The following OR4F6 variants were observed in gnomAD, a reference collection of about 807,000 sequenced individuals.
The protein encoded by OR4F6 is olfactory receptor family 4 subfamily F member 6.
OR4F6 carries 13 observed loss-of-function variants against 15.9 expected under a neutral mutation model. That is an observed-to-expected ratio of 0.82 (90% CI 0.53 to 1.30). The LOEUF is 1.30. OR4F6 is among the 50% of genes most tolerant of loss of function. The probability of loss-of-function intolerance (pLI) is 0.00; values close to 1 mark genes in which losing one functional copy is unlikely to be tolerated. For missense variants in OR4F6, 426 were observed against 367.2 expected (o/e 1.16, Z -1.31); for synonymous variants, 150 against 133.8 (o/e 1.12, Z -0.83).
At position 101,806,739 on chromosome 15, in the gene OR4F6, C is replaced by G; in HGVS notation, c.*81C>G. 4 of 807,920 alleles carry G rather than the reference C, an allele frequency of 5.0e-6. No individual in the cohort carries two copies. The highest frequency in any genetic ancestry group is 7.6e-6 in the Non-Finnish European group (4 of 523,524). The allele number at this position is 807,920 out of a possible 1,614,324, so 50.0% of individuals were successfully genotyped here. A position where few individuals can be genotyped will look rare whatever the true frequency, so the allele number is the denominator to read the frequency against. On this transcript the variant is annotated 3_prime_UTR_variant, in exon 2 of 2. Transcript: ENST00000328882. Reference sequence around the variant, plus strand: ...GTTAAGTAAGCTATGTTAAATTTAACCAGAATATCACTTTCTACTAGTATG... The same window carrying G: ...GTTAAGTAAGCTATGTTAAATTTAAGCAGAATATCACTTTCTACTAGTATG...
Position 101,805,910 on chromosome 15 carries a change from C to T in OR4F6, c.191C>T (p.Ala64Val). Residue 64 changes from alanine to valine, a missense_variant, in exon 2 of 2, where the codon GCC (alanine) becomes GTC (valine). By Grantham distance (64) the Ala-to-Val change is moderately conservative. Transcript: ENST00000328882. ...CAGTCCCCCATGTACTTCCTGCTGG[C>T]CAACCTTTCCATCATCAATTTGGTA... ...RLQSPMYFLL[A>V]NLSIINLVFC... 1 of 1,614,150 alleles carries T rather than the reference C, an allele frequency of 6.2e-7. No individual in the cohort carries two copies. Among genetic ancestry groups the T allele is most frequent in the Non-Finnish European group, 8.5e-7 (1 of 1,180,012 alleles).
intron 1 of OR4F6, among the ~76,000 whole-genome samples, chr15:101,803,933 A>G (rs143250273): frequency 5.3e-5 from 8 of 152,328 alleles, no homozygotes; most frequent in African/African-American, 1.9e-4. Context: ...CACAAAGATC[A>G]TCACAAAAGA....
In OR4F6 at chr15:101,805,861, A is replaced by C; in HGVS notation, c.142A>C (p.Thr48Pro). The part of the protein sequence containing the change: ...SLMGNLLIVL[T>P]VTSDPRLQSP... ...GATGGGAAATCTCCTCATTGTGCTA[A>C]CTGTGACCTCTGACCCTCGTTTACA... is the stretch of plus-strand genomic sequence containing the variant. The change falls in exon 2 of 2, where the codon ACT becomes CCT. Residue 48 changes from threonine (T) to proline (P), a missense_variant. Thr to Pro is a conservative substitution (Grantham distance 38). Coordinates refer to ENST00000328882, the MANE Select transcript of OR4F6 (RefSeq NM_001005326.2). The C allele has an allele frequency of 6.2e-7, 1 of 1,614,034 alleles. No homozygotes were observed. Among genetic ancestry groups the C allele is most frequent in the South Asian group, 1.1e-5 (1 of 91,076 alleles).
intron 1 of OR4F6, 21 bp from the exon 2 acceptor site, chr15:101,805,666 C>T (rs1902783230): frequency 7.2e-7 from 1 of 1,394,660 alleles, no homozygotes; most frequent in African/African-American, 1.4e-5. Flanking sequence ...ATCAAAGTTT[C>T]TCCTTACTCT....
rs1902796077 is a variant in OR4F6 at position 101,806,049 on chromosome 15, T to C, written c.330T>C (p.Thr110=). ...TCTTTATCCATGCAGTTGGGGGAAC[T>C]GAGATGGTGCTGCTCATAGCCATGG... ...QIFFIHAVGG[T]EMVLLIAMAF... Residue 110 remains threonine (T), a synonymous_variant, in exon 2 of 2, where the codon ACT becomes ACC. Transcript: ENST00000328882. 2.5e-6 allele frequency: 4 copies of C among 1,613,986 alleles called. No individual in the cohort carries two copies. The highest frequency in any genetic ancestry group is 3.4e-6 in the Non-Finnish European group (4 of 1,179,958).
In OR4F6 at chr15:101,806,652, CT is replaced by C. The variant is rs1403987247; in HGVS notation, c.937del (p.Ter313LysfsTer13). On this transcript the variant is annotated frameshift_variant, in exon 2 of 2. Coordinates refer to ENST00000328882, the MANE Select transcript of OR4F6 (RefSeq NM_001005326.2). LOFTEE classifies it high-confidence loss of function. ...CTCAGTTTGTGAATTACAGTAAAAT[CT>C]TTTAAATATATTGAGAATATACAAA... ...CSQFVNYSKI[F>X] 3.2e-6 allele frequency: 5 copies of C among 1,550,246 alleles called. No individual in the cohort carries two copies. The African/African-American group carries it at 6.9e-5, about 22-fold the overall frequency.
Position 101,806,061 on chromosome 15 carries a change from G to A in OR4F6, c.342G>A (p.Leu114=). Residue 114 remains leucine, a synonymous_variant, in exon 2 of 2, where the codon CTG becomes CTA. Coordinates refer to ENST00000328882, the MANE Select transcript of OR4F6 (RefSeq NM_001005326.2). ...CAGTTGGGGGAACTGAGATGGTGCT[G>A]CTCATAGCCATGGCTTTTGACCGAT... ...IHAVGGTEMV[L]LIAMAFDRYV... is the part of the protein sequence containing the mutation. 1 of 1,614,110 alleles carries A rather than the reference G, an allele frequency of 6.2e-7. No homozygotes were observed. The highest frequency in any genetic ancestry group is 8.5e-7 in the Non-Finnish European group (1 of 1,179,982).
intron 1 of OR4F6, among the ~76,000 whole-genome samples, chr15:101,803,854 TGA>T (rs1000022427): frequency 3.9e-5 from 6 of 152,176 alleles, no homozygotes; most frequent in Non-Finnish European, 7.3e-5. Flanking sequence ...AAGTAAAATG[TGA>T]GGAATTTTAG....
At chr15:101,805,051 T>C (rs1487310270) in intron 1 of OR4F6, among the ~76,000 whole-genome samples, 1 of 152,196 alleles carries the variant, frequency 6.6e-6, no homozygotes, top group East Asian at 1.9e-4. Flanking sequence ...ACTTAAGTTA[T>C]TCCAAGCTGA....
Position 101,806,482 on chromosome 15 carries a change from A to C in OR4F6, c.763A>C (p.Ile255Leu), listed in dbSNP as rs769001311. The change falls in exon 2 of 2, where the codon ATC (isoleucine) becomes CTC (leucine). Residue 255 changes from isoleucine (I) to leucine (L), a missense_variant. By Grantham distance (5) the Ile-to-Leu change is conservative. Transcript: ENST00000328882. ...IVVVLVFGPLIFFYIFPFPTS... is the reference protein window; with the variant it reads ...IVVVLVFGPLLFFYIFPFPTS... The stretch of plus-strand genomic sequence containing the variant: ...GGTGGTTTTGGTCTTTGGGCCATTA[A>C]TCTTTTTCTATATTTTTCCATTTCC... 9 of 1,613,710 alleles carry C rather than the reference A, an allele frequency of 5.6e-6. No homozygotes were observed. Among genetic ancestry groups the C allele is most frequent in the Non-Finnish European group, 6.8e-6 (8 of 1,179,962 alleles).
chr15:101,804,605 G>A (rs1042209537), intron 1 of OR4F6, among the ~76,000 whole-genome samples: 1 of 152,174 alleles, frequency 6.6e-6, no homozygotes, highest in Non-Finnish European at 1.5e-5. Flanking sequence ...GAGCTAAGTG[G>A]AGAGCTTAAT....
Position 101,806,451 on chromosome 15 carries a change from C to G in OR4F6, c.732C>G (p.Val244=). 2 of 1,613,482 alleles carry G rather than the reference C, an allele frequency of 1.2e-6. No individual in the cohort carries two copies. The highest frequency in any genetic ancestry group is 1.7e-6 in the Non-Finnish European group (2 of 1,179,816). The change falls in exon 2 of 2, where the codon GTC becomes GTG. Residue 244 remains valine (V), a synonymous_variant. Coordinates refer to ENST00000328882, the MANE Select transcript of OR4F6 (RefSeq NM_001005326.2). ...FKAFSMLSAH[V]IVVVLVFGPL... The stretch of plus-strand genomic sequence containing the variant: ...CTTTCTCTATGCTGTCAGCTCATGT[C>G]ATTGTGGTGGTTTTGGTCTTTGGGC...
At position 101,806,668 on chromosome 15, in the gene OR4F6, G is replaced by A. The variant is rs537998422; in HGVS notation, c.*10G>A. On this transcript the variant is annotated 3_prime_UTR_variant, in exon 2 of 2. Transcript: ENST00000328882. ...CAGTAAAATCTTTTAAATATATTGAGAATATACAAAAAGGCAAATTATACT... is the reference window on the plus strand; with the variant it reads ...CAGTAAAATCTTTTAAATATATTGAAAATATACAAAAAGGCAAATTATACT... The A allele has an allele frequency of 1.3e-6, 2 of 1,491,980 alleles. No homozygotes were observed. The highest frequency in any genetic ancestry group is 2.4e-5 in the Admixed American group (1 of 42,506). The allele number at this position is 1,491,980 out of a possible 1,614,324, so 92.4% of individuals were successfully genotyped here.
rs777067505 is a variant in OR4F6, at chr15:101,806,535, C to T, written c.816C>T (p.Ala272=). 5 of 1,613,804 alleles carry T rather than the reference C, an allele frequency of 3.1e-6. No individual in the cohort carries two copies. In the South Asian group the frequency reaches 5.5e-5, roughly 18 times the overall value. The change falls in exon 2 of 2, where the codon GCC becomes GCT. Residue 272 remains alanine (A), a synonymous_variant. Transcript: ENST00000328882. ...FPTSHLDKFL[A]IFDAVITPVL... ...CATCACATCTTGATAAATTCCTTGC[C>T]ATCTTTGATGCAGTTATCACTCCCG...
chr15:101,805,991 C>G lies in OR4F6; in HGVS notation c.272C>G (p.Thr91Ser). ...TATGACCTTTTCAGGAAGCACAAGA[C>G]CATCTCTTTTGGGGGCTGTGTAGTT... Reference protein sequence around the residue: ...MIYDLFRKHKTISFGGCVVQI... With the variant: ...MIYDLFRKHKSISFGGCVVQI... The change falls in exon 2 of 2, where the codon ACC (threonine) becomes AGC (serine). Residue 91 changes from threonine to serine, a missense_variant. By Grantham distance (58) the Thr-to-Ser change is moderately conservative. Transcript: ENST00000328882. The G allele has an allele frequency of 6.2e-7, 1 of 1,614,170 alleles. No individual in the cohort carries two copies. Among genetic ancestry groups the G allele is most frequent in the Non-Finnish European group, 8.5e-7 (1 of 1,180,012 alleles).
Position 101,805,919 on chromosome 15 carries a change from C to G in OR4F6, c.200C>G (p.Ser67Cys). Residue 67 changes from serine (S) to cysteine (C), a missense_variant, in exon 2 of 2, where the codon TCC becomes TGC. By Grantham distance (112) the Ser-to-Cys change is moderately radical. Transcript: ENST00000328882. Reference protein sequence around the residue: ...SPMYFLLANLSIINLVFCSST... With the variant: ...SPMYFLLANLCIINLVFCSST... Reference sequence around the variant, plus strand: ...ATGTACTTCCTGCTGGCCAACCTTTCCATCATCAATTTGGTATTTTGTTCC... The same window carrying G: ...ATGTACTTCCTGCTGGCCAACCTTTGCATCATCAATTTGGTATTTTGTTCC... 6.2e-7 allele frequency: 1 copy of G among 1,614,128 alleles called. No homozygotes were observed. The highest frequency in any genetic ancestry group is 8.5e-7 in the Non-Finnish European group (1 of 1,180,008).
chr15:101,806,670 A>G lies in OR4F6; in HGVS notation c.*12A>G. On this transcript the variant is annotated 3_prime_UTR_variant, in exon 2 of 2. Coordinates refer to ENST00000328882, the MANE Select transcript of OR4F6 (RefSeq NM_001005326.2). ...GTAAAATCTTTTAAATATATTGAGA[A>G]TATACAAAAAGGCAAATTATACTAG... 1 of 1,481,640 alleles carries G rather than the reference A, an allele frequency of 6.7e-7. No individual in the cohort carries two copies. Among genetic ancestry groups the G allele is most frequent in the South Asian group, 1.3e-5 (1 of 74,134 alleles). The allele number at this position is 1,481,640 out of a possible 1,614,324, so 91.8% of individuals were successfully genotyped here. A position where few individuals can be genotyped will look rare whatever the true frequency, so the allele number is the denominator to read the frequency against.
rs970564517 is a variant in OR4F6, at chr15:101,806,241, A to G, written c.522A>G (p.Leu174=). 4 of 1,613,892 alleles carry G rather than the reference A, an allele frequency of 2.5e-6. No homozygotes were observed. The highest frequency in any genetic ancestry group is 3.4e-6 in the Non-Finnish European group (4 of 1,179,976). ...TGCTGTTCTGTGGCCCTAATGAATT[A>G]GATAGTTTCTTTTGTGATCTTCCTC... ...VDLLFCGPNE[L]DSFFCDLPRF... Residue 174 remains leucine, a synonymous_variant, in exon 2 of 2, where the codon TTA becomes TTG. Transcript: ENST00000328882.
At chr15:101,804,057 A>T (rs1014356206) in intron 1 of OR4F6, among the ~76,000 whole-genome samples, 1 of 152,158 alleles carries the variant, frequency 6.6e-6, no homozygotes, top group East Asian at 1.9e-4. Context: ...CCCTCTTTGT[A>T]CCTTGGTTTT....
Sources: gnomAD v4.1 joint callset for allele counts (sites outside exome capture counted in the v4.1 genomes callset) on GRCh38, gnomAD v4.1.1 for gene constraint, MANE v1.5 for transcripts, NCBI Gene and HGNC (gene_info 2026-07-23, HGNC 2026-07-21) for gene names.